The following GXYLT1 variants were observed in gnomAD, a reference collection of about 807,000 sequenced individuals.
The protein encoded by GXYLT1 is glycosyltransferase 8 domain containing 3.
A neutral mutation model predicts 54.0 loss-of-function variants in GXYLT1; 29 were observed. The observed-to-expected ratio is 0.54, with a 90% CI of 0.40 to 0.73. The LOEUF is 0.73. Ranked by LOEUF, GXYLT1 falls within the 30% of genes least tolerant of loss-of-function variation. The pLI, the probability that GXYLT1 is intolerant of heterozygous loss-of-function variation, is 0.00. For synonymous variants in GXYLT1, 176 were observed against 204.1 expected (o/e 0.86, Z 1.17); for missense variants, 490 against 553.4 (o/e 0.89, Z 1.15).
At position 42,144,874 on chromosome 12, in the gene GXYLT1, T is replaced by G; in HGVS notation, c.-228A>C. 1 of 306,692 alleles carries G rather than the reference T, an allele frequency of 3.3e-6. No individual in the cohort carries two copies. Among genetic ancestry groups the G allele is most frequent in the Non-Finnish European group, 6.0e-6 (1 of 165,348 alleles). The allele number at this position is 306,692 out of a possible 1,614,324, so 19.0% of individuals were successfully genotyped here. On this transcript the variant is annotated 5_prime_UTR_variant, in exon 1 of 8. Transcript: ENST00000398675. ...CGCCCGGAAGCCTGGACACCGCCTC[T>G]GCCGCCGCGCGCTCAAGGGTCAGCG...
At chr12:42,109,049 C>A (rs935254814) in intron 4 of GXYLT1, among the ~76,000 whole-genome samples, 1 of 152,098 alleles carries the variant, frequency 6.6e-6, no homozygotes, top group African/African-American at 2.4e-5. Context: ...AGAACAGCCC[C>A]ACTGAATAAA....
chr12:42,126,717 A>AC (rs1259467010), intron 2 of GXYLT1, among the ~76,000 whole-genome samples: 7 of 151,638 alleles, frequency 4.6e-5, no homozygotes, highest in Non-Finnish European at 7.4e-5. Flanking sequence ...ACATGGTGAA[A>AC]CCCCCTCTCT....
intron 1 of GXYLT1, among the ~76,000 whole-genome samples, chr12:42,140,289 A>G (rs959734818): frequency 1.3e-5 from 2 of 151,032 alleles, no homozygotes; most frequent in African/African-American, 2.4e-5. Context: ...GCTGGAGCAC[A>G]TATCTAAAAC....
chr12:42,113,807 C>T (rs1377193304), intron 3 of GXYLT1, among the ~76,000 whole-genome samples: 1 of 150,998 alleles, frequency 6.6e-6, no homozygotes, highest in Non-Finnish European at 1.5e-5. Flanking sequence ...ACTCTCCACC[C>T]CAAATCAACA....
At chr12:42,119,725 T>C (rs954467400) in intron 2 of GXYLT1, among the ~76,000 whole-genome samples, 1 of 152,126 alleles carries the variant, frequency 6.6e-6, no homozygotes, top group African/African-American at 2.4e-5. Flanking sequence ...GGAGGATATT[T>C]TGAGCCCAGA....
intron 5 of GXYLT1, among the ~76,000 whole-genome samples, chr12:42,102,143 A>C (rs1459035786): frequency 6.6e-6 from 1 of 152,244 alleles, no homozygotes; most frequent in African/African-American, 2.4e-5. Flanking sequence ...TTTTGAATTA[A>C]GCATGCTTTG....
At chr12:42,095,987 G>A (rs931162951) in intron 7 of GXYLT1, among the ~76,000 whole-genome samples, 10 of 152,058 alleles carry the variant, frequency 6.6e-5, no homozygotes, top group Admixed American at 6.6e-5. Flanking sequence ...TGGTATGAAA[G>A]GAACATTTCT....
intron 4 of GXYLT1, among the ~76,000 whole-genome samples, chr12:42,108,602 T>A (rs1360639761): frequency 1.3e-5 from 2 of 152,206 alleles, no homozygotes; most frequent in African/African-American, 4.8e-5. Flanking sequence ...GTGTGCTTTT[T>A]ACAATGGAAG....
At chr12:42,096,140 G>C (rs2065354314) in intron 7 of GXYLT1, among the ~76,000 whole-genome samples, 1 of 152,180 alleles carries the variant, frequency 6.6e-6, no homozygotes, top group Admixed American at 6.5e-5. Context: ...TGGAATTAGA[G>C]AATCAGGTGT....
intron 7 of GXYLT1, among the ~76,000 whole-genome samples, chr12:42,095,409 A>G (rs1484329345): frequency 6.6e-6 from 1 of 152,204 alleles, no homozygotes; most frequent in Non-Finnish European, 1.5e-5. Flanking sequence ...AAACTCTGGT[A>G]CATACATAAA....
chr12:42,099,929 T>G (rs926093379), intron 5 of GXYLT1, among the ~76,000 whole-genome samples: 2 of 152,218 alleles, frequency 1.3e-5, no homozygotes, highest in Non-Finnish European at 2.9e-5. Flanking sequence ...GTTTAGCCAT[T>G]AAGCACAATG....
chr12:42,129,515 T>C (rs1016854809), intron 2 of GXYLT1, among the ~76,000 whole-genome samples: 1 of 152,196 alleles, frequency 6.6e-6, no homozygotes, highest in Admixed American at 6.5e-5. Context: ...AGTTAGATCA[T>C]AAATTCTCTT....
In GXYLT1 at chr12:42,097,933, T is replaced by G. The variant is rs1565566798; in HGVS notation, c.965A>C (p.Asn322Thr). ...ACCTGGATTATGAAAAAACACGATATTCAATAGATCTTGATCACCCCATGT... is the reference window on the plus strand; with the variant it reads ...ACCTGGATTATGAAAAAACACGATAGTCAATAGATCTTGATCACCCCATGT... ...NITWGDQDLL[N>T]IVFFHNPESL... The change falls in exon 6 of 8, where the codon AAT (asparagine) becomes ACT (threonine). Residue 322 changes from asparagine (N) to threonine (T), a missense_variant. Around this residue, in one of 2 missense-constraint regions of GXYLT1, gnomAD observed 342 missense variants for 342.6 expected, o/e 1.00. Transcript: ENST00000398675. The G allele has an allele frequency of 6.3e-7, 1 of 1,597,184 alleles. No homozygotes were observed. The highest frequency in any genetic ancestry group is 8.6e-7 in the Non-Finnish European group (1 of 1,168,908).
At position 42,122,446 on chromosome 12, in the gene GXYLT1, C is replaced by T. The variant is rs192155064; in HGVS notation, c.315-3275G>A. Among the ~76,000 whole-genome samples the T allele has an allele frequency of 1.7e-3, 264 of 152,118 alleles. 2 individuals are homozygous for T. The highest frequency in any genetic ancestry group is 3.3e-3 in the Non-Finnish European group (227 of 68,000). ...CTCTATTAAAAATACAATAATTAGC[C>T]GGGCATGGTGGCACACACCTGTAGT... On this transcript the variant is annotated intron_variant, in intron 2 of 7. Coordinates refer to ENST00000398675, the MANE Select transcript of GXYLT1 (RefSeq NM_173601.2).
intron 5 of GXYLT1, among the ~76,000 whole-genome samples, chr12:42,098,545 A>C (rs1213948988): frequency 6.6e-6 from 1 of 151,828 alleles, no homozygotes; most frequent in Non-Finnish European, 1.5e-5. Flanking sequence ...ACACAACTTA[A>C]GTTAAACACT....
At chr12:42,096,289 G>A (rs2065355174) in intron 7 of GXYLT1, among the ~76,000 whole-genome samples, 1 of 152,164 alleles carries the variant, frequency 6.6e-6, no homozygotes, top group African/African-American at 2.4e-5. Context: ...TCCTTTGACA[G>A]ATGACTAATT....
intron 7 of GXYLT1, among the ~76,000 whole-genome samples, chr12:42,092,512 G>A (rs2065334429): frequency 1.3e-5 from 2 of 151,942 alleles, no homozygotes; most frequent in South Asian, 2.1e-4. Flanking sequence ...CCACCTAGAG[G>A]TATATGAAGT....
chr12:42,141,017 T>C (rs181687183), intron 1 of GXYLT1, among the ~76,000 whole-genome samples: 30 of 152,302 alleles, frequency 2.0e-4, no homozygotes, highest in African/African-American at 6.7e-4. Flanking sequence ...AGTATCTCCT[T>C]CTAGAACAGC....
At chr12:42,098,146 C>T (rs1592103923) in intron 5 of GXYLT1, 113 bp from the exon 6 acceptor site, 1 of 916,562 alleles carries the variant, frequency 1.1e-6, no homozygotes, top group African/African-American at 1.7e-5. Flanking sequence ...AAGAGAAATG[C>T]AAACTCCTCA....
Sources: allele counts gnomAD v4.1 joint callset (sites outside exome capture counted in the v4.1 genomes callset), GRCh38; gene constraint gnomAD v4.1.1; regional missense constraint gnomAD v4.1.1; transcripts MANE v1.5; gene names NCBI Gene and HGNC (gene_info 2026-07-23, HGNC 2026-07-21).